C5orf46: variants seen among roughly 807,000 people sequenced by gnomAD.
C5orf46 encodes the protein uncharacterized protein C5orf46.
In C5orf46, 9 loss-of-function variants were observed where a neutral mutation model predicts 8.9. That is an observed-to-expected ratio of 1.01 (90% confidence interval 0.61 to 1.76). The LOEUF is 1.76. C5orf46 is among the 40% of genes most tolerant of loss of function. C5orf46 has a pLI of 0.00. For missense variants in C5orf46, 98 were observed against 107.8 expected, an observed-to-expected ratio of 0.91 and a Z score of 0.40; for synonymous variants, 47 against 41.4, an observed-to-expected ratio of 1.14 and a Z score of -0.52.
chr5:147,886,272 G>A (rs1314362449), intron 2 of C5orf46: 1 of 152,092 alleles, frequency 6.6e-6, no homozygotes, highest in Non-Finnish European at 1.5e-5. Flanking sequence ...CTGTATCAAT[G>A]TCAGCATACT....
At chr5:147,892,601 G>C (rs1757518917), downstream of C5orf46, 1 of 151,826 alleles carries the variant, frequency 6.6e-6, no homozygotes, top group African/African-American at 2.4e-5. Flanking sequence ...ACCATTCTTT[G>C]GTTATCCTGT....
At chr5:147,900,937 T>C (rs1757658044) in intron 2 of C5orf46, among the ~76,000 whole-genome samples, 1 of 152,134 alleles carries the variant, frequency 6.6e-6, no homozygotes, top group Non-Finnish European at 1.5e-5. Context: ...ATAATATGTA[T>C]TGGGAATTAG....
At chr5:147,903,787 G>A (rs1324682049) in intron 1 of C5orf46, among the ~76,000 whole-genome samples, 2 of 151,978 alleles carry the variant, frequency 1.3e-5, no homozygotes, top group African/African-American at 2.4e-5. Context: ...TCACTCTCTC[G>A]TCCAGGCTGA....
intron 2 of C5orf46, among the ~76,000 whole-genome samples, chr5:147,898,010 G>T (rs1287571690): frequency 1.3e-5 from 2 of 152,134 alleles, no homozygotes; most frequent in Non-Finnish European, 2.9e-5. Flanking sequence ...TAATGCATTT[G>T]CTTGAATTTT....
chr5:147,893,066 A>G lies in C5orf46; in HGVS notation c.*10-127T>C, dbSNP rs1023959768. 9.2e-5 allele frequency: 14 copies of G among 152,324 alleles called. No individual in the cohort carries two copies. In the East Asian group the frequency reaches 2.7e-3, roughly 29 times the overall value. The allele number at this position is 152,324 out of a possible 1,614,324, so 9.4% of individuals were successfully genotyped here. On this transcript the variant is annotated intron_variant, in intron 3 of 3. Coordinates refer to ENST00000318315, the MANE Select transcript of C5orf46 (RefSeq NM_206966.3). Reference sequence around the variant, plus strand: ...ATGCTTCTGCACTTTAAAATAGAAGAGGTTTCATAATAAAATCAACTATAA... The same window carrying G: ...ATGCTTCTGCACTTTAAAATAGAAGGGGTTTCATAATAAAATCAACTATAA...
At chr5:147,899,339 C>T (rs1046179649) in intron 2 of C5orf46, among the ~76,000 whole-genome samples, 1 of 152,144 alleles carries the variant, frequency 6.6e-6, no homozygotes, top group African/African-American at 2.4e-5. Flanking sequence ...ACGTCTCCTC[C>T]TATCCTCCAC....
At chr5:147,891,511 C>T (rs879935390), downstream of C5orf46, among the ~76,000 whole-genome samples, 1 of 152,072 alleles carries the variant, frequency 6.6e-6, no homozygotes, top group Non-Finnish European at 1.5e-5. Flanking sequence ...ACTTTCCCAA[C>T]CCTCAACATG....
downstream of C5orf46, among the ~76,000 whole-genome samples, chr5:147,891,453 T>A (rs1757502061): frequency 6.6e-6 from 1 of 151,030 alleles, no homozygotes; most frequent in Non-Finnish European, 1.5e-5. Flanking sequence ...GTTGGAGATC[T>A]TTGTCAGCGA....
chr5:147,905,724 T>C (rs1757741447), intron 1 of C5orf46, among the ~76,000 whole-genome samples: 1 of 152,158 alleles, frequency 6.6e-6, no homozygotes. Flanking sequence ...AGAAAGAATC[T>C]AGGAACCTAG....
chr5:147,889,616 G>A (rs141744306), downstream of C5orf46, among the ~76,000 whole-genome samples: 131 of 152,148 alleles, frequency 8.6e-4, no homozygotes, highest in Non-Finnish European at 1.3e-3. Context: ...TAACAAACCT[G>A]CATGTCCTGC....
At chr5:147,900,907 T>C (rs1383736111) in intron 2 of C5orf46, among the ~76,000 whole-genome samples, 1 of 152,136 alleles carries the variant, frequency 6.6e-6, no homozygotes, top group Non-Finnish European at 1.5e-5. Flanking sequence ...TAGTGTCAAA[T>C]CAAAACTATG....
At chr5:147,886,793 A>G (rs976437857) in intron 2 of C5orf46, 1 of 151,984 alleles carries the variant, frequency 6.6e-6, no homozygotes, top group Non-Finnish European at 1.5e-5. Flanking sequence ...AAAAAGTGCT[A>G]TAGTGAGCAT....
chr5:147,905,349 C>T (rs769843106), intron 1 of C5orf46, among the ~76,000 whole-genome samples: 11 of 152,132 alleles, frequency 7.2e-5, no homozygotes, highest in Non-Finnish European at 1.5e-4. Context: ...AGGTTCAAAG[C>T]AGTGAACGAT....
At position 147,901,765 on chromosome 5, in the gene C5orf46, G is replaced by A; in HGVS notation, c.79C>T (p.Pro27Ser). 2 of 1,613,526 alleles carry A rather than the reference G, an allele frequency of 1.2e-6. No individual in the cohort carries two copies. The highest frequency in any genetic ancestry group is 1.7e-6 in the Non-Finnish European group (2 of 1,179,804). The change falls in exon 2 of 4, where the codon CCA (proline) becomes TCA (serine). Residue 27 changes from proline (P) to serine (S), a missense_variant. Pro to Ser is a moderately conservative substitution (Grantham distance 74). Coordinates refer to ENST00000318315, the MANE Select transcript of C5orf46 (RefSeq NM_206966.3). ...TCTGGCTTGTCGTCTGGCTTGTCTG[G>A]TTTGTCGTCTGAAAAACAACAGAAT... is the stretch of plus-strand genomic sequence containing the variant. ...LFLTCYADDKPDKPDDKPDDS... is the reference protein window; with the variant it reads ...LFLTCYADDKSDKPDDKPDDS...
At chr5:147,886,426 A>T (rs139864191) in intron 2 of C5orf46, 100 of 151,658 alleles carry the variant, frequency 6.6e-4, no homozygotes, top group African/African-American at 2.2e-3. Flanking sequence ...TATTTTAAAG[A>T]TCATCAGAAT....
intron 1 of C5orf46, among the ~76,000 whole-genome samples, chr5:147,903,501 C>T (rs975946794): frequency 6.6e-6 from 1 of 152,072 alleles, no homozygotes; most frequent in Non-Finnish European, 1.5e-5. Context: ...GATGTAACTA[C>T]CTTTTGTGTG....
Position 147,897,063 on chromosome 5 carries a change from A to G in C5orf46, c.216-22T>C, listed in dbSNP as rs1002763845. ...TCCTCTTGAGAAAAAAAGAGAAAATAAGAATTACAATTGAGACTGAACAGG... is the reference window on the plus strand; with the variant it reads ...TCCTCTTGAGAAAAAAAGAGAAAATGAGAATTACAATTGAGACTGAACAGG... On this transcript the variant is annotated intron_variant, in intron 2 of 3. Coordinates refer to ENST00000318315, the MANE Select transcript of C5orf46 (RefSeq NM_206966.3). The G allele has an allele frequency of 7.2e-6, 9 of 1,247,618 alleles. 1 individual carries two copies. Among genetic ancestry groups the G allele is most frequent in the Non-Finnish European group, 6.9e-6 (6 of 870,606 alleles). The allele number at this position is 1,247,618 out of a possible 1,614,324, so 77.3% of individuals were successfully genotyped here. A position where few individuals can be genotyped will look rare whatever the true frequency, so the allele number is the denominator to read the frequency against.
chr5:147,894,412 G>C (rs1243481616), intron 3 of C5orf46, among the ~76,000 whole-genome samples: 1 of 152,150 alleles, frequency 6.6e-6, no homozygotes, highest in Non-Finnish European at 1.5e-5. Context: ...GAGGTTCTCA[G>C]ATGAACCAGG....
Position 147,906,466 on chromosome 5 carries a change from C to G in C5orf46, c.36G>C (p.Leu12=). ...AVSVLRLTVV[L]GLLVLFLTCY... is the part of the protein sequence containing the mutation. ...AGGTCAGGAATAAGACAAGCAGTCC[C>G]AGGACAACTGTCAGGCGAAGTACTG... The change falls in exon 1 of 4, where the codon CTG becomes CTC. Residue 12 remains leucine (L), a synonymous_variant. Transcript: ENST00000318315. 1.2e-6 allele frequency: 2 copies of G among 1,611,790 alleles called. No individual in the cohort carries two copies. Among genetic ancestry groups the G allele is most frequent in the East Asian group, 4.5e-5 (2 of 44,806 alleles).
Sources: allele counts gnomAD v4.1 joint callset (sites outside exome capture counted in the v4.1 genomes callset), GRCh38; gene constraint gnomAD v4.1.1; transcripts MANE v1.5; gene names NCBI Gene and HGNC (gene_info 2026-07-23, HGNC 2026-07-21).